AGAP1: variants seen among roughly 807,000 people sequenced by gnomAD.
AGAP1 encodes arf-GAP with GTPase, ANK repeat and PH domain-containing protein 1.
Under a neutral mutation model 105.3 loss-of-function variants are expected in AGAP1, and 29 were observed. The ratio of observed to expected loss-of-function variants is 0.28; its 90% CI spans 0.21 to 0.38. AGAP1 has a LOEUF of 0.38. Ranked by LOEUF, AGAP1 falls within the 10% of genes least tolerant of loss-of-function variation. The pLI is 1.00. For missense variants in AGAP1, 998 were observed against 1,165.1 expected (o/e 0.86, Z 2.09); for synonymous variants, 509 against 485.9 (o/e 1.05, Z -0.63).
chr2:235,787,593 A>G lies in AGAP1; in HGVS notation c.674-10166A>G, dbSNP rs1416449184. ...CTGGCAGATTTGTCTGGATTTCACAATCTCCCACATCTAGCAAATTGCCTG... is the reference window on the plus strand; with the variant it reads ...CTGGCAGATTTGTCTGGATTTCACAGTCTCCCACATCTAGCAAATTGCCTG... On this transcript the variant is annotated intron_variant, in intron 6 of 17. Coordinates refer to ENST00000304032, the MANE Select transcript of AGAP1 (RefSeq NM_001037131.3). The surrounding 1 kb of genome is among the most constrained non-coding windows in gnomAD (Gnocchi z 4.4). 6.6e-6 allele frequency among the ~76,000 whole-genome samples: 1 copy of G among 152,176 alleles called. No individual in the cohort carries two copies. Among genetic ancestry groups the G allele is most frequent in the African/African-American group, 2.4e-5 (1 of 41,434 alleles).
In AGAP1 at chr2:235,723,597, T is replaced by C. The variant is rs369947035; in HGVS notation, c.310+5953T>C. On this transcript the variant is annotated intron_variant, in intron 3 of 17. Coordinates refer to ENST00000304032, the MANE Select transcript of AGAP1 (RefSeq NM_001037131.3). The surrounding 1 kb of genome is among the most constrained non-coding windows in gnomAD (Gnocchi z 6.2). ...CACAGGCACCCTGGGCCATGGGCCC[T>C]CCCGAGCTGTGCAGGTTAGCTTGTG... 2.9e-4 allele frequency among the ~76,000 whole-genome samples: 44 copies of C among 152,244 alleles called. 1 individual carries two copies. In the South Asian group the frequency reaches 8.5e-3, roughly 29 times the overall value.
intron 1 of AGAP1, among the ~76,000 whole-genome samples, chr2:235,652,146 G>A (rs1049440771): frequency 6.6e-6 from 1 of 152,170 alleles, no homozygotes; most frequent in African/African-American, 2.4e-5. Context: ...CAGCTTTCCA[G>A]GTGGCAGAGG....
At chr2:235,743,727 A>T (rs1230992208) in intron 4 of AGAP1, among the ~76,000 whole-genome samples, 1 of 152,240 alleles carries the variant, frequency 6.6e-6, no homozygotes, top group Non-Finnish European at 1.5e-5. Flanking sequence ...AACCTTGGCC[A>T]TAAAAACCTA....
intron 6 of AGAP1, among the ~76,000 whole-genome samples, chr2:235,796,084 G>T (rs1957230891): frequency 6.6e-6 from 1 of 152,196 alleles, no homozygotes; most frequent in African/African-American, 2.4e-5. Flanking sequence ...TGTAAAGTCA[G>T]TGTGGCCATC....
chr2:235,730,180 C>G (rs116269150), intron 3 of AGAP1, among the ~76,000 whole-genome samples: 1 of 152,118 alleles, frequency 6.6e-6, no homozygotes, highest in Non-Finnish European at 1.5e-5. Context: ...CATGTAAAGC[C>G]GATTATTATT....
chr2:235,738,670 G>C (rs1952396646), intron 3 of AGAP1, among the ~76,000 whole-genome samples: 1 of 151,216 alleles, frequency 6.6e-6, no homozygotes, highest in African/African-American at 2.4e-5. Context: ...CAATTCTCCT[G>C]TCTCAGCCTC....
Position 235,760,408 on chromosome 2 carries a change from C to A in AGAP1, c.673+9920C>A, listed in dbSNP as rs139324451. Among the ~76,000 whole-genome samples the A allele has an allele frequency of 6.7e-4, 102 of 152,270 alleles. 1 individual carries two copies. The highest frequency in any genetic ancestry group is 2.4e-3 in the African/African-American group (100 of 41,552). On this transcript the variant is annotated intron_variant, in intron 6 of 17. Transcript: ENST00000304032. The stretch of plus-strand genomic sequence containing the variant: ...AACAAAACCAAAAACAAAATAAATA[C>A]AAATGTGTAAGATAGAATTCGTTAT...
chr2:235,600,513 A>G lies in AGAP1; in HGVS notation c.163+105664A>G, dbSNP rs1945692999. 6.6e-6 allele frequency among the ~76,000 whole-genome samples: 1 copy of G among 152,202 alleles called. No individual in the cohort carries two copies. Among genetic ancestry groups the G allele is most frequent in the East Asian group, 1.9e-4 (1 of 5,190 alleles). ...ATGGAACCAATAGGCCAGATATGTA[A>G]TAAAGGGGAGTTTATTAAGGAGTAT... On this transcript the variant is annotated intron_variant, in intron 1 of 17. Transcript: ENST00000304032. The surrounding 1 kb of genome is among the most constrained non-coding windows in gnomAD (Gnocchi z 4.8).
rs937061152 is a variant in AGAP1 at position 235,931,003 on chromosome 2, T to C, written c.1483+80T>C. On this transcript the variant is annotated intron_variant, in intron 12 of 17. Coordinates refer to ENST00000304032, the MANE Select transcript of AGAP1 (RefSeq NM_001037131.3). This position sits in a 1 kb window ranked among gnomAD's most constrained non-coding sequence, Gnocchi z 5.6. ...AAGCCAGGGGCTGGACAGGACGCCC[T>C]AAGCTCTCATGCTCCTCTGGGAGCG... 1 of 1,497,340 alleles carries C rather than the reference T, an allele frequency of 6.7e-7. No individual in the cohort carries two copies. Among genetic ancestry groups the C allele is most frequent in the African/African-American group, 1.4e-5 (1 of 71,714 alleles). The allele number at this position is 1,497,340 out of a possible 1,614,324, so 92.8% of individuals were successfully genotyped here.
At chr2:235,954,566 G>A (rs529697070) in intron 12 of AGAP1, among the ~76,000 whole-genome samples, 61 of 149,494 alleles carry the variant, frequency 4.1e-4, no homozygotes, top group African/African-American at 6.2e-4. Flanking sequence ...GAGGTCCTGC[G>A]TTTTAACTGT....
chr2:235,819,117 CTTTTT>C (rs1235692784), intron 9 of AGAP1, among the ~76,000 whole-genome samples: 1 of 74,070 alleles, frequency 1.4e-5, no homozygotes, highest in African/African-American at 4.5e-5. Context: ...CTTTTCTTTT[CTTTTT>C]TTTTTTTTTG....
intron 1 of AGAP1, among the ~76,000 whole-genome samples, chr2:235,698,863 G>A (rs1950122877): frequency 6.6e-6 from 1 of 152,218 alleles, no homozygotes. Flanking sequence ...ACTTTAGATA[G>A]AAGCTCAGTT....
chr2:235,992,193 G>A lies in AGAP1; in HGVS notation c.1645+23570G>A, dbSNP rs1011909057. On this transcript the variant is annotated intron_variant, in intron 13 of 17. Transcript: ENST00000304032. This position sits in a 1 kb window ranked among gnomAD's most constrained non-coding sequence, Gnocchi z 4.8. ...CGAGTTGCGTGGTTAGGAGCGCAGC[G>A]GAGGAGCCGGTCTTCCTGGGTCCAT... is the stretch of plus-strand genomic sequence containing the variant. Among the ~76,000 whole-genome samples, 2 of 152,234 alleles carry A rather than the reference G, an allele frequency of 1.3e-5. No individual in the cohort carries two copies. The highest frequency in any genetic ancestry group is 1.9e-4 in the East Asian group (1 of 5,148).
chr2:235,835,787 A>G (rs1960087098), intron 9 of AGAP1, among the ~76,000 whole-genome samples: 1 of 152,196 alleles, frequency 6.6e-6, no homozygotes, highest in Non-Finnish European at 1.5e-5. Context: ...TGTATCAAAG[A>G]TTAAGGTAGA....
rs1946249468 is a variant in AGAP1 at position 235,614,678 on chromosome 2, TC to T, written c.164-94500del. On this transcript the variant is annotated intron_variant, in intron 1 of 17. Coordinates refer to ENST00000304032, the MANE Select transcript of AGAP1 (RefSeq NM_001037131.3). This position sits in a 1 kb window ranked among gnomAD's most constrained non-coding sequence, Gnocchi z 4.7. ...GCTTGTGGTTTGGGGTGTGCCAGGC[TC>T]AGGGGCAGGGCCCTTTTTCCACACG... Among the ~76,000 whole-genome samples the T allele has an allele frequency of 6.6e-6, 1 of 152,204 alleles. No homozygotes were observed. Among genetic ancestry groups the T allele is most frequent in the Non-Finnish European group, 1.5e-5 (1 of 68,028 alleles).
chr2:235,652,884 A>T (rs1272493336), intron 1 of AGAP1, among the ~76,000 whole-genome samples: 1 of 151,726 alleles, frequency 6.6e-6, no homozygotes, highest in Non-Finnish European at 1.5e-5. Context: ...CAGGAGAATC[A>T]CTTGAATGGG....
Position 235,769,084 on chromosome 2 carries a change from C to T in AGAP1, c.673+18596C>T, listed in dbSNP as rs1337479868. Among the ~76,000 whole-genome samples the T allele has an allele frequency of 1.3e-5, 2 of 152,168 alleles. No homozygotes were observed. Among genetic ancestry groups the T allele is most frequent in the African/African-American group, 2.4e-5 (1 of 41,428 alleles). ...TTCAACTGGATTAGAAATTGCCAGC[C>T]TTGGATCCTTTTCTCAGATATTTTG... On this transcript the variant is annotated intron_variant, in intron 6 of 17. Coordinates refer to ENST00000304032, the MANE Select transcript of AGAP1 (RefSeq NM_001037131.3). This position sits in a 1 kb window ranked among gnomAD's most constrained non-coding sequence, Gnocchi z 4.4.
chr2:235,908,950 ACAGGTGGTC>A lies in AGAP1; in HGVS notation c.1324+49_1324+57del. On this transcript the variant is annotated intron_variant, in intron 11 of 17. Coordinates refer to ENST00000304032, the MANE Select transcript of AGAP1 (RefSeq NM_001037131.3). The surrounding 1 kb of genome is among the most constrained non-coding windows in gnomAD (Gnocchi z 4.4). The stretch of plus-strand genomic sequence containing the variant: ...CACTAACAAATCAAGTTCAACAGCA[ACAGGTGGTC>A]CAGGCTCGAGGATAATGTTGGACTC... 1 of 1,578,612 alleles carries A rather than the reference ACAGGTGGTC, an allele frequency of 6.3e-7. No homozygotes were observed. The highest frequency in any genetic ancestry group is 8.7e-7 in the Non-Finnish European group (1 of 1,152,370).
chr2:236,122,680 A>AT (rs71039713), intron 17 of AGAP1, among the ~76,000 whole-genome samples: 23,231 of 123,262 alleles, frequency 0.19, 3,452 homozygotes, highest in African/African-American at 0.38. Context: ...TCCAGTGACA[A>AT]TTTTTTTTTT....
Sources: allele counts gnomAD v4.1 joint callset (sites outside exome capture counted in the v4.1 genomes callset), GRCh38; gene constraint gnomAD v4.1.1; non-coding constraint Gnocchi (gnomAD v3.1); transcripts MANE v1.5; gene names NCBI Gene and HGNC (gene_info 2026-07-23, HGNC 2026-07-21).